The following RASGEF1C variants were observed in gnomAD, a reference collection of about 807,000 sequenced individuals.
RASGEF1C encodes the protein RasGEF domain family member 1C.
RASGEF1C carries 27 observed loss-of-function variants against 58.1 expected under a neutral mutation model. That is an observed-to-expected ratio of 0.46 (90% confidence interval 0.34 to 0.64). The LOEUF (loss-of-function observed/expected upper bound fraction) is 0.64, where lower values mean the gene tolerates loss of function less well. Among genes scored for constraint, RASGEF1C ranks in the 30% least tolerant of loss-of-function variants. RASGEF1C has a pLI of 0.01. For missense variants in RASGEF1C, 502 were observed against 605.1 expected, an observed-to-expected ratio of 0.83 and a Z score of 1.79; for synonymous variants, 243 against 246.3, an observed-to-expected ratio of 0.99 and a Z score of 0.13.
intron 1 of RASGEF1C, among the ~76,000 whole-genome samples, chr5:180,193,936 G>A (rs147139267): frequency 1.5e-3 from 233 of 152,220 alleles, no homozygotes; most frequent in African/African-American, 5.2e-3. Flanking sequence ...AAGACCGGCC[G>A]GGCATTGCGG....
chr5:180,120,098 T>C (rs1462946169), intron 7 of RASGEF1C, among the ~76,000 whole-genome samples: 1 of 152,142 alleles, frequency 6.6e-6, no homozygotes, highest in East Asian at 1.9e-4. Flanking sequence ...GGGGCCCGCG[T>C]TGCATTCTTT....
Position 180,137,466 on chromosome 5 carries a change from C to A in RASGEF1C, c.300+124G>T. On this transcript the variant is annotated intron_variant, in intron 3 of 13. Coordinates refer to ENST00000361132, the MANE Select transcript of RASGEF1C (RefSeq NM_175062.4). The surrounding 1 kb of genome is among the most constrained non-coding windows in gnomAD (Gnocchi z 4.1). ...CTGGGCCTCAGACAAGGTGGAAACA[C>A]CCGGTAGCCACCTTGTCAGGAAAAC... is the stretch of plus-strand genomic sequence containing the variant. The A allele has an allele frequency of 7.4e-7, 1 of 1,358,866 alleles. No individual in the cohort carries two copies. The allele number at this position is 1,358,866 out of a possible 1,614,324, so 84.2% of individuals were successfully genotyped here. A position where few individuals can be genotyped will look rare whatever the true frequency, so the allele number is the denominator to read the frequency against.
chr5:180,174,630 G>C (rs796884235), intron 1 of RASGEF1C, among the ~76,000 whole-genome samples: 14 of 107,782 alleles, frequency 1.3e-4, no homozygotes, highest in African/African-American at 2.0e-4. Context: ...GTGTGTGTGT[G>C]TGTGTGTGCG....
intron 1 of RASGEF1C, among the ~76,000 whole-genome samples, chr5:180,206,468 A>G (rs1419172473): frequency 1.3e-5 from 2 of 152,200 alleles, no homozygotes; most frequent in Non-Finnish European, 2.9e-5. Context: ...CTGTGGGGAA[A>G]CAGAAGACAC....
intron 1 of RASGEF1C, among the ~76,000 whole-genome samples, chr5:180,181,623 C>T (rs1303265303): frequency 1.3e-5 from 2 of 152,186 alleles, no homozygotes; most frequent in African/African-American, 4.8e-5. Flanking sequence ...AGATTTCTAA[C>T]AAGCCGCCAG....
chr5:180,102,218 G>A (rs376372697), intron 12 of RASGEF1C, 75 bp from the exon 13 acceptor site: 113 of 867,958 alleles, frequency 1.3e-4, no homozygotes, highest in East Asian at 7.2e-5. Context: ...CTATATCTGC[G>A]TGGGTCTCTT....
chr5:180,119,927 C>T (rs939207529), intron 7 of RASGEF1C, among the ~76,000 whole-genome samples: 4 of 152,176 alleles, frequency 2.6e-5, no homozygotes, highest in Middle Eastern at 3.4e-3. Context: ...GCCAGGCGCT[C>T]GGGACTTCAG....
At chr5:180,128,350 A>AGT in intron 5 of RASGEF1C, 60 bp downstream of exon 5, 1 of 1,465,368 alleles carries the variant, frequency 6.8e-7, no homozygotes, top group Non-Finnish European at 9.5e-7. Flanking sequence ...GGGAGGGCAC[A>AGT]GTGTATCTGT....
In RASGEF1C at chr5:180,143,348, A is replaced by G. The variant is rs549310575; in HGVS notation, c.-6-5290T>C. 6.6e-6 allele frequency among the ~76,000 whole-genome samples: 1 copy of G among 152,302 alleles called. No homozygotes were observed. Among genetic ancestry groups the G allele is most frequent in the Admixed American group, 6.5e-5 (1 of 15,310 alleles). ...GCCCAACCCCTCTATGGGAGACGGG[A>G]AATGTGTGCAGGGACAGGGGCACCA... On this transcript the variant is annotated intron_variant, in intron 1 of 13. Transcript: ENST00000361132. The surrounding 1 kb of genome is among the most constrained non-coding windows in gnomAD (Gnocchi z 4.3).
chr5:180,197,108 AT>A lies in RASGEF1C; in HGVS notation c.-7+11919del, dbSNP rs1756293311. Among the ~76,000 whole-genome samples, 2 of 152,186 alleles carry A rather than the reference AT, an allele frequency of 1.3e-5. No homozygotes were observed. The highest frequency in any genetic ancestry group is 1.3e-4 in the Admixed American group (2 of 15,284). ...GGCGCCTGTGGCCAGCCTGCCTCTG[AT>A]GAGCCTCCTTGGTCCCTCTGCAGCA... On this transcript the variant is annotated intron_variant, in intron 1 of 13. Coordinates refer to ENST00000361132, the MANE Select transcript of RASGEF1C (RefSeq NM_175062.4). The surrounding 1 kb of genome is among the most constrained non-coding windows in gnomAD (Gnocchi z 4.7).
At chr5:180,173,008 A>G (rs1422575142) in intron 1 of RASGEF1C, among the ~76,000 whole-genome samples, 1 of 152,190 alleles carries the variant, frequency 6.6e-6, no homozygotes, top group Non-Finnish European at 1.5e-5. Flanking sequence ...AGCTGAGCAC[A>G]GCCCTTGGGG....
chr5:180,112,823 C>G (rs553876588), intron 11 of RASGEF1C, among the ~76,000 whole-genome samples: 22 of 151,622 alleles, frequency 1.5e-4, no homozygotes, highest in African/African-American at 5.3e-4. Flanking sequence ...GACTCGGGTG[C>G]AGTGACTGAG....
At chr5:180,179,083 G>A (rs956106762) in intron 1 of RASGEF1C, among the ~76,000 whole-genome samples, 1 of 152,300 alleles carries the variant, frequency 6.6e-6, no homozygotes, top group East Asian at 1.9e-4. Context: ...TGAAGAACGG[G>A]CTGGGGCTGG....
intron 10 of RASGEF1C, 107 bp from the exon 11 acceptor site, chr5:180,114,648 C>A: frequency 3.8e-6 from 4 of 1,066,372 alleles, no homozygotes; most frequent in Non-Finnish European, 4.1e-6. Flanking sequence ...ACCTCAGACC[C>A]GACCCCAGGG....
intron 6 of RASGEF1C, among the ~76,000 whole-genome samples, chr5:180,126,190 A>T (rs540692135): frequency 6.6e-6 from 1 of 152,108 alleles, no homozygotes; most frequent in Non-Finnish European, 1.5e-5. Flanking sequence ...GGCAGATCAC[A>T]AGGTCAGGAG....
rs973902844 is a variant in RASGEF1C at position 180,197,852 on chromosome 5, A to G, written c.-7+11176T>C. Among the ~76,000 whole-genome samples, 1 of 152,240 alleles carries G rather than the reference A, an allele frequency of 6.6e-6. No individual in the cohort carries two copies. Among genetic ancestry groups the G allele is most frequent in the African/African-American group, 2.4e-5 (1 of 41,470 alleles). ...AAACAACTTCCTGACCAAATGACCCAGGTAGATATTTCCTCTGCAGGGGCA... is the reference window on the plus strand; with the variant it reads ...AAACAACTTCCTGACCAAATGACCCGGGTAGATATTTCCTCTGCAGGGGCA... On this transcript the variant is annotated intron_variant, in intron 1 of 13. Transcript: ENST00000361132. This position sits in a 1 kb window ranked among gnomAD's most constrained non-coding sequence, Gnocchi z 4.7.
chr5:180,134,928 C>T (rs919754315), intron 4 of RASGEF1C, among the ~76,000 whole-genome samples: 2 of 23,286 alleles, frequency 8.6e-5, no homozygotes, highest in Admixed American at 1.1e-3. Flanking sequence ...TTACCCCATG[C>T]ATCCACCTGC....
chr5:180,160,346 C>T (rs2113300214), intron 1 of RASGEF1C, among the ~76,000 whole-genome samples: 1 of 152,320 alleles, frequency 6.6e-6, no homozygotes, highest in East Asian at 1.9e-4. Context: ...ACTGGACACC[C>T]TCTGCTCCAG....
At chr5:180,153,502 G>GATTCTGCCA (rs1766798334) in intron 1 of RASGEF1C, among the ~76,000 whole-genome samples, 1 of 152,196 alleles carries the variant, frequency 6.6e-6, no homozygotes, top group Admixed American at 6.5e-5. Flanking sequence ...ATATCAGACA[G>GATTCTGCCA]ATTCTGCCAG....
Sources: allele counts gnomAD v4.1 joint callset (sites outside exome capture counted in the v4.1 genomes callset), GRCh38; gene constraint gnomAD v4.1.1; non-coding constraint Gnocchi (gnomAD v3.1); transcripts MANE v1.5; gene names NCBI Gene and HGNC (gene_info 2026-07-23, HGNC 2026-07-21).